DPP8: variants seen among roughly 807,000 people sequenced by gnomAD.
DPP8 encodes dipeptidyl peptidase 8.
In DPP8, 31 loss-of-function variants were observed where a neutral mutation model predicts 107.5. The observed-to-expected ratio is 0.29, with a 90% CI of 0.22 to 0.39. The LOEUF is 0.39. DPP8 is among the 10% of genes least tolerant of loss of function. The pLI is 1.00. For synonymous variants in DPP8, 381 were observed against 356.6 expected (o/e 1.07, Z -0.77); for missense variants, 842 against 1,076.1 (o/e 0.78, Z 3.04).
intron 3 of DPP8, among the ~76,000 whole-genome samples, chr15:65,502,327 C>A (rs2069338900): frequency 6.6e-6 from 1 of 150,576 alleles, no homozygotes; most frequent in African/African-American, 2.4e-5. Context: ...AACTTCAGAG[C>A]AGAATCTCTG....
Position 65,474,226 on chromosome 15 carries a change from C to T in DPP8, c.1519G>A (p.Gly507Ser). 6.2e-7 allele frequency: 1 copy of T among 1,612,416 alleles called. No individual in the cohort carries two copies. The highest frequency in any genetic ancestry group is 8.5e-7 in the Non-Finnish European group (1 of 1,178,510). The change falls in exon 12 of 20, where the codon GGC becomes AGC. Residue 507 changes from glycine (G) to serine (S), a missense_variant. By Grantham distance (56) the Gly-to-Ser change is moderately conservative. Transcript: ENST00000300141. ...TAACATACATTAGATCCATGCCGGC[C>T]AAGAACTTCCCATTCACCACTGGTA... is the stretch of plus-strand genomic sequence containing the variant. ...AITSGEWEVL[G>S]RHGSNIQVDE... is the part of the protein sequence containing the mutation.
At chr15:65,448,749 T>C (rs1465279156) in intron 19 of DPP8, among the ~76,000 whole-genome samples, 1 of 137,550 alleles carries the variant, frequency 7.3e-6, no homozygotes, top group Admixed American at 7.6e-5. Context: ...ATCTAAAATA[T>C]ACATATATAT....
chr15:65,473,464 TTGAGACCAGCCCAGACAATATATA>T (rs2066102336), intron 12 of DPP8, among the ~76,000 whole-genome samples: 1 of 152,050 alleles, frequency 6.6e-6, no homozygotes, highest in Admixed American at 6.6e-5. Context: ...GTGTTTAGGT[TTGAGACCAGCCCAGACAATATATA>T]TGAGACCCTG....
At chr15:65,493,961 T>A (rs2068301164) in intron 5 of DPP8, among the ~76,000 whole-genome samples, 1 of 151,984 alleles carries the variant, frequency 6.6e-6, no homozygotes. Flanking sequence ...ACAGTTACTA[T>A]GTTTCAGGCA....
At chr15:65,514,560 G>A (rs1488164864) in intron 1 of DPP8, among the ~76,000 whole-genome samples, 2 of 152,194 alleles carry the variant, frequency 1.3e-5, no homozygotes, top group African/African-American at 2.4e-5. Context: ...CCAGGGTAGA[G>A]TGCAGTGGCG....
chr15:65,501,169 G>T (rs1400634311), intron 3 of DPP8, among the ~76,000 whole-genome samples: 1 of 151,996 alleles, frequency 6.6e-6, no homozygotes, highest in Admixed American at 6.6e-5. Context: ...GAGACACCGC[G>T]CCTGGCGACT....
intron 10 of DPP8, 57 bp downstream of exon 10, chr15:65,480,165 T>C: frequency 7.3e-6 from 11 of 1,500,030 alleles, no homozygotes; most frequent in Non-Finnish European, 1.0e-5. Flanking sequence ...CTATATAACT[T>C]CATTTGCTTT....
At chr15:65,508,745 G>A (rs553999095) in intron 2 of DPP8, among the ~76,000 whole-genome samples, 9 of 152,070 alleles carry the variant, frequency 5.9e-5, no homozygotes, top group East Asian at 1.9e-4. Context: ...CCAGCTACTC[G>A]GGAGGCTGAG....
At chr15:65,448,882 A>ATATATC (rs1567125484) in intron 19 of DPP8, among the ~76,000 whole-genome samples, 1 of 22,412 alleles carries the variant, frequency 4.5e-5, no homozygotes, top group African/African-American at 2.3e-4. Flanking sequence ...ATATATATAT[A>ATATATC]TATATATATA....
At chr15:65,500,181 G>A (rs966368728) in intron 4 of DPP8, among the ~76,000 whole-genome samples, 4 of 152,100 alleles carry the variant, frequency 2.6e-5, no homozygotes, top group African/African-American at 7.2e-5. Context: ...CACTTTGGGA[G>A]GCCGAGATGG....
rs1202059158 is a variant in DPP8 at position 65,487,728 on chromosome 15, T to G, written c.917A>C (p.Glu306Ala). The G allele has an allele frequency of 6.2e-7, 1 of 1,610,018 alleles. No homozygotes were observed. The highest frequency in any genetic ancestry group is 8.5e-7 in the Non-Finnish European group (1 of 1,177,540). The change falls in exon 7 of 20, where the codon GAA becomes GCA. Residue 306 changes from glutamate to alanine, a missense_variant. Physicochemically the swap from Glu to Ala is moderately radical, Grantham distance 107 (BLOSUM62 -1). Around this residue, in one of 2 missense-constraint regions of DPP8, gnomAD observed 663 missense variants for 758.0 expected, o/e 0.87. Coordinates refer to ENST00000300141, the MANE Select transcript of DPP8 (RefSeq NM_130434.5). ...EIIHVTSPML[E>A]TRRADSFRYP... ...ACGGAATGAATCTGCCCTCCTTGTT[T>G]CCAACATAGGGGATGTAACATGAAT...
Position 65,517,526 on chromosome 15 carries a change from T to C in DPP8, c.-52A>G, listed in dbSNP as rs1044723658. The C allele has an allele frequency of 6.6e-6, 1 of 152,438 alleles. No homozygotes were observed. The highest frequency in any genetic ancestry group is 1.5e-5 in the Non-Finnish European group (1 of 68,194). 9.4% of individuals were successfully genotyped at this position (152,438 alleles called of 1,614,324 possible). ...GCCCGGACCGTCCCGACGTGCGCTA[T>C]GGAGCGGGCCTGCGCCGCTTCATGC... is the stretch of plus-strand genomic sequence containing the variant. On this transcript the variant is annotated 5_prime_UTR_variant, in exon 1 of 20. Coordinates refer to ENST00000300141, the MANE Select transcript of DPP8 (RefSeq NM_130434.5).
intron 16 of DPP8, chr15:65,455,981 T>C: frequency 2.3e-6 from 2 of 863,766 alleles, no homozygotes; most frequent in Non-Finnish European, 3.4e-6. Context: ...TCTACCCAAG[T>C]GGACATACAA....
rs2066812740 is a variant in DPP8, at chr15:65,480,396, A to C, written c.1122T>G (p.Ala374=). 1 of 1,598,948 alleles carries C rather than the reference A, an allele frequency of 6.3e-7. No homozygotes were observed. The highest frequency in any genetic ancestry group is 2.2e-5 in the East Asian group (1 of 44,816). ...RAGWTPEGKY[A]WSILLDRSQT... Reference sequence around the variant, plus strand: ...GGGAGCGATCTAGTAGGATGGACCAAGCACTATTTAAATAAATAAAAGAGA... The same window carrying C: ...GGGAGCGATCTAGTAGGATGGACCACGCACTATTTAAATAAATAAAAGAGA... The change falls in exon 10 of 20, where the codon GCT becomes GCG. Residue 374 remains alanine (A), a synonymous_variant. Transcript: ENST00000300141.
intron 7 of DPP8, among the ~76,000 whole-genome samples, chr15:65,486,424 C>T (rs1028396542): frequency 4.0e-5 from 6 of 151,580 alleles, no homozygotes; most frequent in East Asian, 1.9e-4. Context: ...AAAAATTAGC[C>T]GCACCAGGCT....
intron 12 of DPP8, among the ~76,000 whole-genome samples, chr15:65,469,613 A>G (rs546092481): frequency 2.0e-4 from 28 of 139,068 alleles, no homozygotes; most frequent in African/African-American, 7.5e-4. Context: ...AGATCATGCC[A>G]TTGCACTCTA....
intron 8 of DPP8, among the ~76,000 whole-genome samples, chr15:65,483,626 A>AAATAC (rs1374091196): frequency 6.6e-6 from 1 of 150,564 alleles, no homozygotes; most frequent in Non-Finnish European, 1.5e-5. Context: ...AAATAAAATA[A>AAATAC]AATAAAATAA....
intron 17 of DPP8, 134 bp downstream of exon 17, chr15:65,454,129 T>C (rs1311504513): frequency 4.9e-6 from 3 of 608,362 alleles, no homozygotes; most frequent in African/African-American, 2.1e-5. Flanking sequence ...AGAGCAAGAC[T>C]TCGTCTCAAA....
At chr15:65,507,193 G>C in intron 3 of DPP8, 50 bp downstream of exon 3, 1 of 1,023,204 alleles carries the variant, frequency 9.8e-7, no homozygotes, top group Non-Finnish European at 1.4e-6. Context: ...AATAAATGCA[G>C]TATCTGAATA....
Sources: allele counts gnomAD v4.1 joint callset (sites outside exome capture counted in the v4.1 genomes callset), GRCh38; gene constraint gnomAD v4.1.1; regional missense constraint gnomAD v4.1.1; transcripts MANE v1.5; gene names NCBI Gene and HGNC (gene_info 2026-07-23, HGNC 2026-07-21).